Variants in TP73 observed in about 807,000 individuals in gnomAD.
TP73 encodes p53-like transcription factor.
In TP73, 25 loss-of-function variants were observed where a neutral mutation model predicts 62.5. That is an observed-to-expected ratio of 0.40 (90% CI 0.29 to 0.56). TP73 has a LOEUF of 0.56. Among genes scored for constraint, TP73 ranks in the 20% least tolerant of loss-of-function variants. The pLI is 0.46. For missense variants in TP73, 754 were observed against 913.3 expected (o/e 0.83, Z 2.25); for synonymous variants, 423 against 377.5 (o/e 1.12, Z -1.40).
intron 3 of TP73, among the ~76,000 whole-genome samples, chr1:3,695,544 G>A (rs1042484710): frequency 1.1e-4 from 16 of 152,238 alleles, no homozygotes; most frequent in Non-Finnish European, 2.2e-4. Flanking sequence ...GGAGCAGCAC[G>A]GACGGATCTG....
In TP73 at chr1:3,696,550, AG is replaced by A. The variant is rs1381977388; in HGVS notation, c.187-10994del. ...CTACGACATCCGAGACACCAAGCAG[AG>A]GGGGAGATGCAGAGGGGCAGCCTGG... is the stretch of plus-strand genomic sequence containing the variant. On this transcript the variant is annotated intron_variant, in intron 3 of 13. Transcript: ENST00000378295. This position sits in a 1 kb window ranked among gnomAD's most constrained non-coding sequence, Gnocchi z 4.1. Among the ~76,000 whole-genome samples, 1 of 150,478 alleles carries A rather than the reference AG, an allele frequency of 6.6e-6. No homozygotes were observed. The highest frequency in any genetic ancestry group is 1.5e-5 in the Non-Finnish European group (1 of 67,620).
chr1:3,684,422 C>T (rs941101082), intron 3 of TP73, among the ~76,000 whole-genome samples: 2 of 152,214 alleles, frequency 1.3e-5, no homozygotes, highest in African/African-American at 4.8e-5. Context: ...CCTCCTCCTC[C>T]CTCAAGTCCC....
chr1:3,706,515 AG>A (rs1426031417), intron 3 of TP73, among the ~76,000 whole-genome samples: 1 of 146,554 alleles, frequency 6.8e-6, no homozygotes, highest in Non-Finnish European at 1.5e-5. Context: ...GCCCGGGGAG[AG>A]GGGGGTAAAG....
intron 1 of TP73, among the ~76,000 whole-genome samples, chr1:3,654,263 C>T (rs931881967): frequency 2.0e-5 from 3 of 152,140 alleles, no homozygotes; most frequent in Non-Finnish European, 2.9e-5. Context: ...CTGGGGTGAA[C>T]GGAAGGCGGA....
chr1:3,728,305 T>C, intron 9 of TP73, 88 bp downstream of exon 9: 2 of 1,371,890 alleles, frequency 1.5e-6, no homozygotes, highest in Non-Finnish European at 2.0e-6. Flanking sequence ...GGAGGGACTC[T>C]GGAGACCATG....
chr1:3,721,349 G>C (rs1160575356), intron 4 of TP73, among the ~76,000 whole-genome samples: 3 of 152,238 alleles, frequency 2.0e-5, no homozygotes, highest in Non-Finnish European at 2.9e-5. Flanking sequence ...CTGGGGCTGT[G>C]AGCCCAGAGG....
chr1:3,717,512 A>G (rs1054860306), intron 4 of TP73, among the ~76,000 whole-genome samples: 1 of 152,228 alleles, frequency 6.6e-6, no homozygotes, highest in African/African-American at 2.4e-5. Context: ...GTTGAAACAC[A>G]TCCATCTAGC....
chr1:3,736,050 A>G lies in TP73; in HGVS notation c.*2971A>G, dbSNP rs529612909. ...ATCCCATCCGTGTTTTTCGTGTAAG[A>G]TCGTGCTTCTCCGAGCAGTATTAAT... On this transcript the variant is annotated 3_prime_UTR_variant, in exon 14 of 14. Coordinates refer to ENST00000378295, the MANE Select transcript of TP73 (RefSeq NM_005427.4). 41 of 152,358 alleles carry G rather than the reference A, an allele frequency of 2.7e-4. No homozygotes were observed. Among genetic ancestry groups the G allele is most frequent in the Non-Finnish European group, 5.6e-4 (38 of 68,040 alleles). 9.4% of individuals were successfully genotyped at this position (152,358 alleles called of 1,614,324 possible).
Position 3,732,879 on chromosome 1 carries a change from A to G in TP73, c.1711A>G (p.Ile571Val). Residue 571 changes from isoleucine (I) to valine (V), a missense_variant, in exon 14 of 14, where the codon ATC becomes GTC. This residue lies in a region of TP73 where 458 missense variants were observed against 528.7 expected (regional missense o/e 0.87). Transcript: ENST00000378295. ...LRSSNAATISIGGSGELQRQR... is the reference protein window; with the variant it reads ...LRSSNAATISVGGSGELQRQR... ...CTCTAGCAACGCGGCCACCATCTCC[A>G]TCGGCGGCTCAGGGGAACTGCAGCG... 4 of 1,611,656 alleles carry G rather than the reference A, an allele frequency of 2.5e-6. No homozygotes were observed. The highest frequency in any genetic ancestry group is 2.5e-6 in the Non-Finnish European group (3 of 1,179,638).
At chr1:3,675,870 G>C (rs1431770738) in intron 1 of TP73, among the ~76,000 whole-genome samples, 1 of 152,188 alleles carries the variant, frequency 6.6e-6, no homozygotes, top group Non-Finnish European at 1.5e-5. Flanking sequence ...GGAAATGTCT[G>C]GTCTCCCACC....
At position 3,707,710 on chromosome 1, in the gene TP73, C is replaced by T. The variant is rs755497658; in HGVS notation, c.348C>T (p.Pro116=). The change falls in exon 4 of 14, where the codon CCC becomes CCT. Residue 116 remains proline, a synonymous_variant. Transcript: ENST00000378295. ...FDTMSPAPVI[P]SNTDYPGPHH... Reference sequence around the variant, plus strand: ...CCATGTCGCCGGCGCCTGTCATCCCCTCCAACACCGACTACCCCGGACCCC... The same window carrying T: ...CCATGTCGCCGGCGCCTGTCATCCCTTCCAACACCGACTACCCCGGACCCC... 6.2e-7 allele frequency: 1 copy of T among 1,613,198 alleles called. No homozygotes were observed.
chr1:3,729,186 G>A, intron 9 of TP73, 141 bp from the exon 10 acceptor site: 1 of 1,164,370 alleles, frequency 8.6e-7, no homozygotes, highest in Admixed American at 2.5e-5. Context: ...GAAGATCAGG[G>A]GATCCTGAGC....
rs775213592 is a variant in TP73, at chr1:3,729,322, C to A, written c.1075-5C>A. On this transcript the variant is annotated splice_polypyrimidine_tract_variant and splice_region_variant and intron_variant, in intron 9 of 13. Coordinates refer to ENST00000378295, the MANE Select transcript of TP73 (RefSeq NM_005427.4). ...GTGGGCAGAGATCTGCTCCTCTGTG[C>A]TCAGGTGCGAGGCCGGGAGAACTTT... is the stretch of plus-strand genomic sequence containing the variant. The A allele has an allele frequency of 1.9e-6, 3 of 1,612,928 alleles. No homozygotes were observed. The East Asian group carries it at 6.7e-5, about 36-fold the overall frequency.
intron 4 of TP73, among the ~76,000 whole-genome samples, chr1:3,715,471 C>G (rs535228333): frequency 6.7e-6 from 1 of 150,232 alleles, no homozygotes; most frequent in South Asian, 2.2e-4. Flanking sequence ...GGGGGTCAGA[C>G]AGCTATGGTC....
At chr1:3,726,476 T>G (rs1287924800) in intron 6 of TP73, among the ~76,000 whole-genome samples, 3 of 127,504 alleles carry the variant, frequency 2.4e-5, no homozygotes, top group Admixed American at 7.8e-5. Flanking sequence ...TGGATTGATA[T>G]TGAATGGATG....
At chr1:3,708,574 T>G (rs1325228118) in intron 4 of TP73, 1 of 152,288 alleles carries the variant, frequency 6.6e-6, no homozygotes, top group Admixed American at 6.5e-5. Context: ...GTTCTGCTCA[T>G]AGTAAGTGGG....
chr1:3,676,044 G>A (rs979819555), intron 1 of TP73, among the ~76,000 whole-genome samples: 3 of 151,944 alleles, frequency 2.0e-5, no homozygotes, highest in African/African-American at 4.8e-5. Context: ...CAGGCATGTG[G>A]GGACTGGGGA....
chr1:3,715,856 C>T (rs959124521), intron 4 of TP73, among the ~76,000 whole-genome samples: 5 of 152,222 alleles, frequency 3.3e-5, no homozygotes, highest in African/African-American at 1.2e-4. Flanking sequence ...ACCTGCTTCC[C>T]TCCCCTACCC....
At chr1:3,720,513 C>T (rs767974043) in intron 4 of TP73, among the ~76,000 whole-genome samples, 1 of 152,216 alleles carries the variant, frequency 6.6e-6, no homozygotes, top group African/African-American at 2.4e-5. Flanking sequence ...GACAGACCAG[C>T]GTTCCTGGCT....
Sources: allele counts gnomAD v4.1 joint callset (sites outside exome capture counted in the v4.1 genomes callset), GRCh38; gene constraint gnomAD v4.1.1; regional missense constraint gnomAD v4.1.1; non-coding constraint Gnocchi (gnomAD v3.1); transcripts MANE v1.5; gene names NCBI Gene and HGNC (gene_info 2026-07-23, HGNC 2026-07-21).